PPP1R12A: variants seen among roughly 807,000 people sequenced by gnomAD.
The protein encoded by PPP1R12A is protein phosphatase 1 regulatory subunit 12A.
In PPP1R12A, 19 loss-of-function variants were observed where a neutral mutation model predicts 139.6. That is an observed-to-expected ratio of 0.14 (90% CI 0.09 to 0.20). The LOEUF (loss-of-function observed/expected upper bound fraction) is 0.20, where lower values mean the gene tolerates loss of function less well. Ranked by LOEUF, PPP1R12A falls within the 10% of genes least tolerant of loss-of-function variation. The pLI, the probability that PPP1R12A is intolerant of heterozygous loss-of-function variation, is 1.00. For synonymous variants in PPP1R12A, 427 were observed against 420.6 expected, an observed-to-expected ratio of 1.02 and a Z score of -0.19; for missense variants, 925 against 1,211.5, an observed-to-expected ratio of 0.76 and a Z score of 3.51.
At chr12:79,846,437 CTG>C (rs1491507986) in intron 2 of PPP1R12A, among the ~76,000 whole-genome samples, 15 of 151,536 alleles carry the variant, frequency 9.9e-5, no homozygotes, top group Admixed American at 7.2e-4. Context: ...TTTTTTCTCT[CTG>C]TTTTTTTTGA....
chr12:79,874,505 T>C (rs1882912305), intron 1 of PPP1R12A, among the ~76,000 whole-genome samples: 1 of 152,106 alleles, frequency 6.6e-6, no homozygotes, highest in Non-Finnish European at 1.5e-5. Flanking sequence ...AAATGTCATT[T>C]GGTAACAGGG....
rs1445056847 is a variant in PPP1R12A, at chr12:79,774,461, T to C, written c.*1468A>G. The C allele has an allele frequency of 6.6e-6, 1 of 152,556 alleles. No individual in the cohort carries two copies. Among genetic ancestry groups the C allele is most frequent in the African/African-American group, 2.4e-5 (1 of 41,432 alleles). The allele number at this position is 152,556 out of a possible 1,614,324, so 9.5% of individuals were successfully genotyped here. On this transcript the variant is annotated 3_prime_UTR_variant, in exon 25 of 25. Transcript: ENST00000450142. ...CAATCAATAATACAATCAGCTACTA[T>C]AAGCTTTACAATGTACAATTTATTC...
rs768811548 is a variant in PPP1R12A at position 79,808,553 on chromosome 12, G to C, written c.1480C>G (p.Leu494Val). 6.8e-6 allele frequency: 11 copies of C among 1,606,676 alleles called. No homozygotes were observed. Among genetic ancestry groups the C allele is most frequent in the Non-Finnish European group, 8.5e-6 (10 of 1,174,710 alleles). Residue 494 changes from leucine (L) to valine (V), a missense_variant, in exon 11 of 25, where the codon CTT (leucine) becomes GTT (valine). Coordinates refer to ENST00000450142, the MANE Select transcript of PPP1R12A (RefSeq NM_002480.3). ...GGTATTGTAGGTGCAACATATGCAA[G>C]CCTAGTTCCTTTACTATCTTTCTCC... ...EKEKDSKGTR[L>V]AYVAPTIPRR... is the part of the protein sequence containing the mutation.
chr12:79,805,415 CTAAATA>C (rs1873705076), intron 14 of PPP1R12A, among the ~76,000 whole-genome samples, 171 bp downstream of exon 14: 1 of 152,078 alleles, frequency 6.6e-6, no homozygotes, highest in Non-Finnish European at 1.5e-5. Flanking sequence ...GTCGCAAAGC[CTAAATA>C]TAAATAATTG....
In PPP1R12A at chr12:79,809,990, T is replaced by G. The variant is rs1874322558; in HGVS notation, c.1260A>C (p.Lys420Asn). 2 of 1,612,408 alleles carry G rather than the reference T, an allele frequency of 1.2e-6. No individual in the cohort carries two copies. Among genetic ancestry groups the G allele is most frequent in the African/African-American group, 2.7e-5 (2 of 74,998 alleles). Residue 420 changes from lysine to asparagine, a missense_variant, in exon 10 of 25, where the codon AAA becomes AAC. Around this residue, in one of 4 missense-constraint regions of PPP1R12A, gnomAD observed 403 missense variants for 463.7 expected, o/e 0.87. Transcript: ENST00000450142. Reference protein sequence around the residue: ...PIKKFPTTATKISPKEEERKD... With the variant: ...PIKKFPTTATNISPKEEERKD... ...TTCTCTCTTCTTCTTTGGGAGAAAT[T>G]TTTGTAGCTGTGGTTGGAAACTGTG...
intron 2 of PPP1R12A, among the ~76,000 whole-genome samples, chr12:79,846,681 G>A (rs1310614721): frequency 2.7e-5 from 4 of 149,282 alleles, no homozygotes; most frequent in South Asian, 4.2e-4. Context: ...CGCCTGCCTC[G>A]GCCTCCCAAA....
chr12:79,865,675 C>G (rs574258030), intron 2 of PPP1R12A, among the ~76,000 whole-genome samples: 117 of 152,226 alleles, frequency 7.7e-4, no homozygotes, highest in African/African-American at 2.4e-3. Flanking sequence ...TACACCAAAA[C>G]AGACAAACAG....
At chr12:79,903,035 T>A (rs541389581) in intron 1 of PPP1R12A, among the ~76,000 whole-genome samples, 1 of 152,230 alleles carries the variant, frequency 6.6e-6, no homozygotes, top group African/African-American at 2.4e-5. Flanking sequence ...GCATATAAAT[T>A]CAGTCAAGAG....
intron 2 of PPP1R12A, among the ~76,000 whole-genome samples, chr12:79,847,389 A>T (rs1027650362): frequency 6.6e-6 from 1 of 152,224 alleles, no homozygotes; most frequent in Admixed American, 6.5e-5. Flanking sequence ...AATTTTCCCA[A>T]CATCATGAAG....
intron 12 of PPP1R12A, 124 bp from the exon 13 acceptor site, chr12:79,806,457 A>T: frequency 1.3e-6 from 1 of 779,454 alleles, no homozygotes; most frequent in Non-Finnish European, 2.0e-6. Flanking sequence ...TAAATACACC[A>T]CCAGCTCCAG....
At chr12:79,799,273 T>C (rs1288099121) in intron 14 of PPP1R12A, among the ~76,000 whole-genome samples, 2 of 152,224 alleles carry the variant, frequency 1.3e-5, no homozygotes, top group Admixed American at 6.5e-5. Context: ...CTCAGCCTCC[T>C]GAGTAGCTGG....
At chr12:79,928,017 A>T (rs989904001) in intron 1 of PPP1R12A, among the ~76,000 whole-genome samples, 6 of 152,268 alleles carry the variant, frequency 3.9e-5, no homozygotes, top group Admixed American at 1.3e-4. Context: ...TTATGGTAGT[A>T]ACAAAACAAC....
chr12:79,925,773 TAAAC>T (rs1033141337), intron 1 of PPP1R12A, among the ~76,000 whole-genome samples: 75 of 151,872 alleles, frequency 4.9e-4, no homozygotes, highest in African/African-American at 1.7e-3. Context: ...AATGCAAAGA[TAAAC>T]AACCAAAACA....
intron 1 of PPP1R12A, among the ~76,000 whole-genome samples, chr12:79,913,042 G>C (rs1393926029): frequency 6.6e-6 from 1 of 152,152 alleles, no homozygotes; most frequent in African/African-American, 2.4e-5. Flanking sequence ...TGTAATTTTA[G>C]CCATTCCAGT....
intron 1 of PPP1R12A, among the ~76,000 whole-genome samples, chr12:79,877,249 G>A (rs547369466): frequency 3.9e-5 from 6 of 152,140 alleles, no homozygotes; most frequent in African/African-American, 1.2e-4. Flanking sequence ...GCAAGCTGAC[G>A]GCAGTTTTCC....
chr12:79,852,395 C>T (rs1346449302), intron 2 of PPP1R12A, among the ~76,000 whole-genome samples: 1 of 151,792 alleles, frequency 6.6e-6, no homozygotes, highest in Non-Finnish European at 1.5e-5. Context: ...GAGGTTTCGC[C>T]ATGTTGCGCA....
chr12:79,903,733 T>C (rs1885849271), intron 1 of PPP1R12A, among the ~76,000 whole-genome samples: 1 of 152,164 alleles, frequency 6.6e-6, no homozygotes, highest in South Asian at 2.1e-4. Context: ...CTATCTTTTA[T>C]CTATTTTGCT....
chr12:79,895,769 A>G (rs1885072855), intron 1 of PPP1R12A, among the ~76,000 whole-genome samples: 1 of 152,202 alleles, frequency 6.6e-6, no homozygotes, highest in African/African-American at 2.4e-5. Context: ...GTCAACAATT[A>G]CTATCATCTG....
At chr12:79,800,600 T>G (rs1007985874) in intron 14 of PPP1R12A, among the ~76,000 whole-genome samples, 1 of 151,968 alleles carries the variant, frequency 6.6e-6, no homozygotes, top group African/African-American at 2.4e-5. Flanking sequence ...TCAGCACCCC[T>G]AACCCTTGCA....
Sources: gnomAD v4.1 joint callset for allele counts (sites outside exome capture counted in the v4.1 genomes callset) on GRCh38, gnomAD v4.1.1 for gene constraint, gnomAD v4.1.1 regional missense constraint, MANE v1.5 for transcripts, NCBI Gene and HGNC (gene_info 2026-07-23, HGNC 2026-07-21) for gene names.